Variants in GDPD4 observed in about 807,000 individuals in gnomAD.
GDPD4 encodes glycerophosphodiester phosphodiesterase domain containing 4.
GDPD4 carries 60 observed loss-of-function variants against 67.8 expected under a neutral mutation model. The observed-to-expected ratio is 0.88, with a 90% CI of 0.72 to 1.10. The LOEUF is 1.10. Ranked by LOEUF, GDPD4 falls within the 50% of genes least tolerant of loss-of-function variation. The pLI is 0.00. For synonymous variants in GDPD4, 212 were observed against 210.9 expected, an observed-to-expected ratio of 1.00 and a Z score of -0.04; for missense variants, 623 against 613.9, an observed-to-expected ratio of 1.01 and a Z score of -0.16.
At chr11:77,290,460 G>T (rs544795330) in intron 1 of GDPD4, among the ~76,000 whole-genome samples, 1 of 152,002 alleles carries the variant, frequency 6.6e-6, no homozygotes, top group African/African-American at 2.4e-5. Flanking sequence ...AATAACAAGA[G>T]AAATTTTTGA....
At chr11:77,233,199 G>A in intron 13 of GDPD4, 27 bp from the exon 14 acceptor site, 1 of 1,605,708 alleles carries the variant, frequency 6.2e-7, no homozygotes, top group Non-Finnish European at 8.5e-7. Flanking sequence ...ACCCACAGGG[G>A]ATTTAGATCA....
intron 1 of GDPD4, 48 bp from the exon 2 acceptor site, chr11:77,287,468 T>G (rs562086410): frequency 4.6e-5 from 7 of 152,352 alleles, no homozygotes; most frequent in Non-Finnish European, 1.0e-4. Context: ...CTCCCCTTAA[T>G]GTACCTTATC....
intron 13 of GDPD4, among the ~76,000 whole-genome samples, chr11:77,235,426 CTTA>C: frequency 6.6e-6 from 1 of 152,030 alleles, no homozygotes; most frequent in East Asian, 1.9e-4. Context: ...GATGTTAAGA[CTTA>C]TTATATAGCT....
chr11:77,271,454 TC>T, intron 5 of GDPD4, 61 bp from the exon 6 acceptor site: 1 of 967,380 alleles, frequency 1.0e-6, no homozygotes, highest in Non-Finnish European at 1.7e-6. Flanking sequence ...AGAACTGTCC[TC>T]AGGAATTATA....
chr11:77,252,512 T>C (rs931341338), intron 11 of GDPD4, among the ~76,000 whole-genome samples: 1 of 152,258 alleles, frequency 6.6e-6, no homozygotes, highest in Non-Finnish European at 1.5e-5. Context: ...GTAATTCATT[T>C]ATTTCCTTTT....
chr11:77,251,952 G>A (rs1346956198), intron 11 of GDPD4, among the ~76,000 whole-genome samples: 1 of 151,602 alleles, frequency 6.6e-6, no homozygotes, highest in Non-Finnish European at 1.5e-5. Context: ...AGATTCTTCT[G>A]CTGAAACAAG....
chr11:77,297,537 GAAAAA>G (rs576071684), intron 1 of GDPD4, among the ~76,000 whole-genome samples: 1 of 77,976 alleles, frequency 1.3e-5, no homozygotes, highest in African/African-American at 4.8e-5. Context: ...CTCCGTCTCA[GAAAAA>G]AAAAAAAAAA....
chr11:77,267,771 T>A lies in GDPD4; in HGVS notation c.707+686A>T, dbSNP rs141172015. Among the ~76,000 whole-genome samples the A allele has an allele frequency of 6.6e-5, 10 of 152,318 alleles. No individual in the cohort carries two copies. The East Asian group carries it at 1.7e-3, about 26-fold the overall frequency. ...GTCTCCCAGTCTGACACTTGTCTTT[T>A]CATTCTCCTCATAGGGTCTTAGAGC... On this transcript the variant is annotated intron_variant, in intron 10 of 16. Coordinates refer to ENST00000315938, the MANE Select transcript of GDPD4 (RefSeq NM_182833.3).
intron 10 of GDPD4, among the ~76,000 whole-genome samples, chr11:77,258,809 G>C (rs1002074453): frequency 1.3e-5 from 2 of 152,148 alleles, no homozygotes; most frequent in African/African-American, 4.8e-5. Context: ...CTGGCATTAG[G>C]AAAACAGCAG....
chr11:77,229,318 G>A (rs1565509007), intron 14 of GDPD4, 86 bp from the exon 15 acceptor site: 2 of 760,536 alleles, frequency 2.6e-6, no homozygotes, highest in Non-Finnish European at 4.4e-6. Context: ...TCTGCTGCCA[G>A]GGCTGGAGGA....
intron 14 of GDPD4, among the ~76,000 whole-genome samples, chr11:77,232,189 A>T (rs1176372714): frequency 2.0e-5 from 3 of 152,220 alleles, no homozygotes; most frequent in Non-Finnish European, 4.4e-5. Flanking sequence ...AGGCTTTTTG[A>T]TGACTAAAAG....
At position 77,238,584 on chromosome 11, in the gene GDPD4, C is replaced by CA. The variant is rs199508047; in HGVS notation, c.1241+5109dup. ...GGGCAACAAGAGCGAAACTCCGTCT[C>CA]AAAAAAAAAAAAAAAAAATTATGTT... On this transcript the variant is annotated intron_variant, in intron 13 of 16. Transcript: ENST00000315938. 3.0e-3 allele frequency among the ~76,000 whole-genome samples: 355 copies of CA among 117,970 alleles called. 1 individual carries two copies. Among genetic ancestry groups the CA allele is most frequent in the East Asian group, 9.7e-3 (37 of 3,806 alleles). The allele number at this position is 117,970 out of a possible 152,430, so 77.4% of individuals were successfully genotyped here. A position where few individuals can be genotyped will look rare whatever the true frequency, so the allele number is the denominator to read the frequency against.
intron 16 of GDPD4, among the ~76,000 whole-genome samples, chr11:77,222,590 T>C (rs4375461): frequency 6.6e-6 from 1 of 152,158 alleles, no homozygotes; most frequent in Non-Finnish European, 1.5e-5. Flanking sequence ...AAGTTTCTGC[T>C]GAGAGATCCG....
intron 13 of GDPD4, among the ~76,000 whole-genome samples, chr11:77,236,038 A>C (rs1275941181): frequency 6.6e-6 from 1 of 152,000 alleles, no homozygotes. Context: ...CTAAAAAATA[A>C]AAAGAGAGGG....
At chr11:77,250,531 A>G (rs913388942) in intron 11 of GDPD4, among the ~76,000 whole-genome samples, 28 of 152,180 alleles carry the variant, frequency 1.8e-4, no homozygotes, top group African/African-American at 6.5e-4. Flanking sequence ...AAGATACTTA[A>G]TATGATTTCA....
intron 3 of GDPD4, among the ~76,000 whole-genome samples, chr11:77,280,975 A>G (rs1024728303): frequency 2.6e-5 from 4 of 152,224 alleles, no homozygotes; most frequent in African/African-American, 9.6e-5. Context: ...GACTATGCAG[A>G]AGTCCTACTC....
chr11:77,248,772 A>C (rs999963049), intron 11 of GDPD4, among the ~76,000 whole-genome samples: 2 of 151,314 alleles, frequency 1.3e-5, no homozygotes, highest in African/African-American at 4.9e-5. Context: ...CCCAGGCTGG[A>C]GTACAATGGC....
intron 1 of GDPD4, among the ~76,000 whole-genome samples, chr11:77,289,035 A>AGGGGAGGGGT (rs2135891695): frequency 6.8e-6 from 1 of 146,488 alleles, no homozygotes; most frequent in South Asian, 2.4e-4. Flanking sequence ...AGGGGAGGGG[A>AGGGGAGGGGT]GGGAAGCGGG....
At chr11:77,300,556 A>G (rs1343300927) in intron 1 of GDPD4, among the ~76,000 whole-genome samples, 1 of 152,068 alleles carries the variant, frequency 6.6e-6, no homozygotes, top group East Asian at 1.9e-4. Context: ...GAATAAGCAG[A>G]AAAAAAGTCT....
Sources: gnomAD v4.1 joint callset for allele counts (sites outside exome capture counted in the v4.1 genomes callset) on GRCh38, gnomAD v4.1.1 for gene constraint, MANE v1.5 for transcripts, NCBI Gene and HGNC (gene_info 2026-07-23, HGNC 2026-07-21) for gene names.